ZNF592: variants seen among roughly 807,000 people sequenced by gnomAD.
ZNF592 encodes spinocerebellar ataxia, autosomal recessive 5.
Under a neutral mutation model 80.3 loss-of-function variants are expected in ZNF592, and 11 were observed. The ratio of observed to expected loss-of-function variants is 0.14; its 90% CI spans 0.09 to 0.23. The LOEUF (loss-of-function observed/expected upper bound fraction) is 0.23. ZNF592 is among the 10% of genes least tolerant of loss of function. The probability of loss-of-function intolerance (pLI) is 1.00; values close to 1 mark genes in which losing one functional copy is unlikely to be tolerated. For missense variants in ZNF592, 1,420 were observed against 1,633.9 expected (o/e 0.87, Z 2.26); for synonymous variants, 646 against 640.3 (o/e 1.01, Z -0.13).
intron 3 of ZNF592, among the ~76,000 whole-genome samples, chr15:84,779,078 G>A (rs1962348421): frequency 6.6e-6 from 1 of 152,228 alleles, no homozygotes; most frequent in Non-Finnish European, 1.5e-5. Flanking sequence ...CTTGTAGAGA[G>A]ACAGAGGGAG....
intron 2 of ZNF592, among the ~76,000 whole-genome samples, chr15:84,767,478 T>TG (rs1596112161): frequency 6.6e-6 from 1 of 152,192 alleles, no homozygotes; most frequent in Non-Finnish European, 1.5e-5. Flanking sequence ...CAGGATGGTG[T>TG]GTGAACAAGA....
Position 84,783,478 on chromosome 15 carries a change from T to G in ZNF592, c.803T>G (p.Val268Gly). Residue 268 changes from valine (V) to glycine (G), a missense_variant, in exon 4 of 11, where the codon GTC becomes GGC. Val to Gly is a moderately radical substitution (Grantham distance 109). Around this residue, in one of 7 missense-constraint regions of ZNF592, gnomAD observed 373 missense variants for 355.5 expected, o/e 1.05. Coordinates refer to ENST00000560079, the MANE Select transcript of ZNF592 (RefSeq NM_014630.3). This position sits in a 1 kb window ranked among gnomAD's most constrained non-coding sequence, Gnocchi z 5.0. ...CGGGAGCTTGGTACCTGCTCATCAG[T>G]CCCCCCTAGGCAGCGTCTAAAGCCA... ...LARELGTCSSVPPRQRLKPAH... is the reference protein window; with the variant it reads ...LARELGTCSSGPPRQRLKPAH... The G allele has an allele frequency of 6.2e-7, 1 of 1,614,014 alleles. No individual in the cohort carries two copies. The highest frequency in any genetic ancestry group is 8.5e-7 in the Non-Finnish European group (1 of 1,180,008).
At chr15:84,793,204 G>A (rs1409711187) in intron 5 of ZNF592, among the ~76,000 whole-genome samples, 2 of 152,050 alleles carry the variant, frequency 1.3e-5, no homozygotes, top group East Asian at 3.9e-4. Context: ...AGCTTCCTGA[G>A]TAGCTGGGAT....
chr15:84,800,427 A>G (rs3748375), intron 10 of ZNF592, among the ~76,000 whole-genome samples: 12,258 of 152,140 alleles, frequency 0.081, 657 homozygotes, highest in East Asian at 0.24. Flanking sequence ...CCCTTGCCCT[A>G]TGACCTCATC....
At chr15:84,775,968 T>G (rs1962240054) in intron 2 of ZNF592, among the ~76,000 whole-genome samples, 1 of 152,252 alleles carries the variant, frequency 6.6e-6, no homozygotes, top group Non-Finnish European at 1.5e-5. Flanking sequence ...GAGGGTATAG[T>G]TGTCAATCTG....
rs1210315727 is a variant in ZNF592, at chr15:84,782,962, G to A, written c.287G>A (p.Arg96Gln). The change falls in exon 4 of 11, where the codon CGG becomes CAG. Residue 96 changes from arginine to glutamine, a missense_variant. Arg to Gln is a conservative substitution (Grantham distance 43). This residue lies in a region of ZNF592 where 373 missense variants were observed against 355.5 expected (regional missense o/e 1.05). Transcript: ENST00000560079. The stretch of plus-strand genomic sequence containing the variant: ...CCCAGTCTCCTACACAATGGATTCC[G>A]GGGCTCAGATCTGCCTCCAGATCCC... Reference protein sequence around the residue: ...ITPSLLHNGFRGSDLPPDPHN... With the variant: ...ITPSLLHNGFQGSDLPPDPHN... The A allele has an allele frequency of 1.2e-6, 2 of 1,614,122 alleles. No individual in the cohort carries two copies. The highest frequency in any genetic ancestry group is 8.5e-7 in the Non-Finnish European group (1 of 1,180,022).
At chr15:84,765,694 A>G (rs947169537) in intron 2 of ZNF592, among the ~76,000 whole-genome samples, 5 of 151,684 alleles carry the variant, frequency 3.3e-5, no homozygotes, top group Non-Finnish European at 7.4e-5. Flanking sequence ...GCATGCCACC[A>G]TGCCCAGCTA....
At position 84,798,758 on chromosome 15, in the gene ZNF592, C is replaced by T. The variant is rs1481819405; in HGVS notation, c.2907C>T (p.His969=). Residue 969 remains histidine (H), a synonymous_variant, in exon 8 of 11, where the codon CAC becomes CAT. Transcript: ENST00000560079. This position sits in a 1 kb window ranked among gnomAD's most constrained non-coding sequence, Gnocchi z 4.5. ...PSGRWGRPEA[H]RRVEARPRLR... ...GCCGCTGGGGTAGGCCTGAAGCCCA[C>T]CGCAGGGTGGAAGCCAGGCCGCGGC... is the stretch of plus-strand genomic sequence containing the variant. The T allele has an allele frequency of 2.5e-6, 4 of 1,607,880 alleles. No homozygotes were observed. The highest frequency in any genetic ancestry group is 2.2e-5 in the East Asian group (1 of 44,864).
Position 84,802,159 on chromosome 15 carries a change from G to GGCA in ZNF592, c.3573_3575dup (p.Ala1192dup), listed in dbSNP as rs780799240. 1 of 1,603,914 alleles carries GGCA rather than the reference G, an allele frequency of 6.2e-7. No individual in the cohort carries two copies. The highest frequency in any genetic ancestry group is 8.5e-7 in the Non-Finnish European group (1 of 1,172,510). ...AGGAGGAGGAGGAAGAGGAGGCGGC[G>GGCA]GCAGCGGAGATGGCAGTGGAGGTGG... On this transcript the variant is annotated inframe_insertion, in exon 11 of 11. Coordinates refer to ENST00000560079, the MANE Select transcript of ZNF592 (RefSeq NM_014630.3).
intron 5 of ZNF592, among the ~76,000 whole-genome samples, chr15:84,794,987 C>G (rs765989916): frequency 5.9e-5 from 9 of 151,670 alleles, no homozygotes; most frequent in Non-Finnish European, 1.2e-4. Flanking sequence ...TTATTGAACT[C>G]TACTACAGAG....
Position 84,798,108 on chromosome 15 carries a change from G to A in ZNF592, c.2576+63G>A, listed in dbSNP as rs1962974347. The A allele has an allele frequency of 3.1e-5, 49 of 1,596,714 alleles. No homozygotes were observed. Among genetic ancestry groups the A allele is most frequent in the Non-Finnish European group, 4.2e-5 (49 of 1,173,214 alleles). ...AGAGAGGAGTAGCCTGGGTGCTGTA[G>A]GGGGTGGCATAGGGATGGGTGAGGG... On this transcript the variant is annotated intron_variant, in intron 6 of 10. Coordinates refer to ENST00000560079, the MANE Select transcript of ZNF592 (RefSeq NM_014630.3). The surrounding 1 kb of genome is among the most constrained non-coding windows in gnomAD (Gnocchi z 4.5).
intron 4 of ZNF592, among the ~76,000 whole-genome samples, chr15:84,785,761 G>A (rs963625048): frequency 6.6e-6 from 1 of 152,068 alleles, no homozygotes; most frequent in African/African-American, 2.4e-5. Context: ...CTGTGGCAGA[G>A]GTTTATGGAG....
At position 84,802,366 on chromosome 15, in the gene ZNF592, C is replaced by G; in HGVS notation, c.3777C>G (p.Asp1259Glu). 6.2e-7 allele frequency: 1 copy of G among 1,613,788 alleles called. No homozygotes were observed. The change falls in exon 11 of 11, where the codon GAC becomes GAG. Residue 1259 changes from aspartate to glutamate, a missense_variant. By Grantham distance (45) the Asp-to-Glu change is conservative (BLOSUM62 2). This residue lies in a region of ZNF592 where 24 missense variants were observed against 16.7 expected (regional missense o/e 1.44). Transcript: ENST00000560079. ...HSQPQASQDQ[D>E]SHTLSPQV ...AACCACAGGCCTCTCAGGACCAGGACAGCCACACACTGTCCCCTCAGGTGT... is the reference window on the plus strand; with the variant it reads ...AACCACAGGCCTCTCAGGACCAGGAGAGCCACACACTGTCCCCTCAGGTGT...
intron 2 of ZNF592, among the ~76,000 whole-genome samples, chr15:84,774,935 C>T (rs1313743449): frequency 6.6e-6 from 1 of 151,946 alleles, no homozygotes; most frequent in Non-Finnish European, 1.5e-5. Context: ...TGTACACCAC[C>T]ACGCCCAGCT....
At position 84,748,692 on chromosome 15, in the gene ZNF592, G is replaced by C. The variant is rs1319490248; in HGVS notation, c.-259+28G>C. ...AAGCGCCCCCCGCGGGCCGGGCCGA[G>C]CGGGGCCTGCGGGCCGGGGCAGCCC... On this transcript the variant is annotated intron_variant, in intron 1 of 10. Transcript: ENST00000560079. 4 of 147,924 alleles carry C rather than the reference G, an allele frequency of 2.7e-5. 1 individual carries two copies. In the South Asian group the frequency reaches 7.2e-4, roughly 27 times the overall value. 9.2% of individuals were successfully genotyped at this position (147,924 alleles called of 1,614,324 possible).
At chr15:84,777,771 C>T (rs2141980519) in intron 2 of ZNF592, among the ~76,000 whole-genome samples, 1 of 139,808 alleles carries the variant, frequency 7.2e-6, no homozygotes, top group Admixed American at 7.7e-5. Flanking sequence ...ACGATCTCAG[C>T]TCACTGCACG....
intron 5 of ZNF592, among the ~76,000 whole-genome samples, chr15:84,793,604 A>G (rs1962811294): frequency 6.6e-6 from 1 of 152,224 alleles, no homozygotes; most frequent in African/African-American, 2.4e-5. Context: ...ACACAACACT[A>G]CAGTGTTCAT....
At chr15:84,767,501 C>G (rs1051381834) in intron 2 of ZNF592, among the ~76,000 whole-genome samples, 1 of 152,108 alleles carries the variant, frequency 6.6e-6, no homozygotes, top group East Asian at 1.9e-4. Flanking sequence ...AGTCCTGTCC[C>G]CCTTTTTCTC....
At position 84,802,842 on chromosome 15, in the gene ZNF592, A is replaced by G; in HGVS notation, c.*449A>G. 4.9e-6 allele frequency: 1 copy of G among 206,044 alleles called. No individual in the cohort carries two copies. The highest frequency in any genetic ancestry group is 1.0e-5 in the Non-Finnish European group (1 of 98,608). 12.8% of individuals were successfully genotyped at this position (206,044 alleles called of 1,614,324 possible). A position where few individuals can be genotyped will look rare whatever the true frequency, so the allele number is the denominator to read the frequency against. On this transcript the variant is annotated 3_prime_UTR_variant, in exon 11 of 11. Coordinates refer to ENST00000560079, the MANE Select transcript of ZNF592 (RefSeq NM_014630.3). Reference sequence around the variant, plus strand: ...CCTTTAGATCCTGAGAAGGAGGGAAATGAGGGGTGCTGACACAGTCCCTCT... The same window carrying G: ...CCTTTAGATCCTGAGAAGGAGGGAAGTGAGGGGTGCTGACACAGTCCCTCT...
Sources: allele counts gnomAD v4.1 joint callset (sites outside exome capture counted in the v4.1 genomes callset), GRCh38; gene constraint gnomAD v4.1.1; regional missense constraint gnomAD v4.1.1; non-coding constraint Gnocchi (gnomAD v3.1); transcripts MANE v1.5; gene names NCBI Gene and HGNC (gene_info 2026-07-23, HGNC 2026-07-21).